The following CPXM2 variants were observed in gnomAD, a reference collection of about 807,000 sequenced individuals.
CPXM2 encodes the protein carboxypeptidase X, M14 family member 2, also known as inactive carboxypeptidase-like protein X2.
A neutral mutation model predicts 86.1 loss-of-function variants in CPXM2; 66 were observed. That is an observed-to-expected ratio of 0.77 (90% CI 0.63 to 0.94). CPXM2 has a LOEUF of 0.94. Among genes scored for constraint, CPXM2 ranks in the 40% least tolerant of loss-of-function variants. The probability of loss-of-function intolerance (pLI) is 0.00; values close to 1 mark genes in which losing one functional copy is unlikely to be tolerated. For synonymous variants in CPXM2, 388 were observed against 400.2 expected (o/e 0.97, Z 0.36); for missense variants, 948 against 1,026.3 (o/e 0.92, Z 1.04).
chr10:123,802,286 C>T (rs1847475521), intron 4 of CPXM2, among the ~76,000 whole-genome samples: 2 of 152,184 alleles, frequency 1.3e-5, no homozygotes, highest in African/African-American at 4.8e-5. Flanking sequence ...TAATAGAATG[C>T]TTGCCAATCA....
At chr10:123,845,175 T>C (rs1479978118) in intron 3 of CPXM2, among the ~76,000 whole-genome samples, 10 of 151,752 alleles carry the variant, frequency 6.6e-5, no homozygotes, top group Non-Finnish European at 1.5e-4. Context: ...GACCCTGGAT[T>C]GGGGATACTA....
At chr10:123,838,837 C>T (rs1848327765) in intron 4 of CPXM2, among the ~76,000 whole-genome samples, 1 of 152,146 alleles carries the variant, frequency 6.6e-6, no homozygotes, top group Non-Finnish European at 1.5e-5. Context: ...GTAACCTGCG[C>T]AGACCACCCT....
intron 12 of CPXM2, among the ~76,000 whole-genome samples, chr10:123,755,708 C>A (rs2133976115): frequency 6.6e-6 from 1 of 152,328 alleles, no homozygotes. Context: ...GCGATGCACT[C>A]AAACCTTATG....
intron 3 of CPXM2, among the ~76,000 whole-genome samples, chr10:123,857,155 T>C (rs1166928393): frequency 6.6e-6 from 1 of 152,138 alleles, no homozygotes; most frequent in Non-Finnish European, 1.5e-5. Flanking sequence ...CCCAATGTAG[T>C]GATAAAATGT....
chr10:123,887,383 C>T (rs1945195035), intron 1 of CPXM2, among the ~76,000 whole-genome samples: 2 of 152,332 alleles, frequency 1.3e-5, no homozygotes, highest in East Asian at 1.9e-4. Flanking sequence ...CATATCCTGA[C>T]AGTGGTGGTG....
intron 12 of CPXM2, among the ~76,000 whole-genome samples, chr10:123,756,179 T>A (rs768851612): frequency 4.5e-4 from 68 of 152,230 alleles, no homozygotes; most frequent in Non-Finnish European, 8.8e-4. Flanking sequence ...GGGAACCTTG[T>A]GTCCAGCCTC....
chr10:123,747,910 A>C (rs1383517886), intron 13 of CPXM2, among the ~76,000 whole-genome samples: 2 of 130,684 alleles, frequency 1.5e-5, no homozygotes, highest in African/African-American at 3.1e-5. Context: ...CGACAGAGTG[A>C]GACTCTGTCT....
At chr10:123,827,478 G>C (rs1195078088) in intron 4 of CPXM2, among the ~76,000 whole-genome samples, 1 of 152,088 alleles carries the variant, frequency 6.6e-6, no homozygotes, top group African/African-American at 2.4e-5. Context: ...AAAATACTTA[G>C]ACGTAAACCT....
At chr10:123,834,015 C>T (rs1848224330) in intron 4 of CPXM2, among the ~76,000 whole-genome samples, 1 of 152,220 alleles carries the variant, frequency 6.6e-6, no homozygotes, top group African/African-American at 2.4e-5. Context: ...GCTGCTATTA[C>T]ATCTCCATCT....
intron 4 of CPXM2, among the ~76,000 whole-genome samples, chr10:123,827,319 C>T (rs1848068414): frequency 6.6e-6 from 1 of 152,116 alleles, no homozygotes; most frequent in Non-Finnish European, 1.5e-5. Context: ...ATTCAGAACA[C>T]AGAAAATGAA....
upstream of CPXM2, among the ~76,000 whole-genome samples, chr10:123,892,219 C>G (rs1409440283): frequency 6.6e-6 from 1 of 152,180 alleles, no homozygotes; most frequent in Non-Finnish European, 1.5e-5. Flanking sequence ...ACGTGGACTT[C>G]CCACTAGCCA....
chr10:123,934,622 T>C (rs528672609), intron 2 of CPXM2, among the ~76,000 whole-genome samples: 1 of 152,140 alleles, frequency 6.6e-6, no homozygotes, highest in East Asian at 1.9e-4. Flanking sequence ...GTGGGGACCC[T>C]CTTCAACCCA....
At chr10:123,827,617 C>G (rs1315473501) in intron 4 of CPXM2, among the ~76,000 whole-genome samples, 2 of 152,252 alleles carry the variant, frequency 1.3e-5, no homozygotes, top group East Asian at 3.9e-4. Flanking sequence ...TTGGAAGATT[C>G]AACATGGTAA....
intron 4 of CPXM2, among the ~76,000 whole-genome samples, chr10:123,822,994 A>G (rs1348812427): frequency 6.6e-6 from 1 of 152,226 alleles, no homozygotes; most frequent in Non-Finnish European, 1.5e-5. Context: ...AGTTGTACAC[A>G]TTAAATGGCT....
intron 1 of CPXM2, chr10:123,940,146 C>T (rs1258285198): frequency 6.6e-6 from 1 of 152,344 alleles, no homozygotes; most frequent in Admixed American, 6.5e-5. Context: ...GCACCCAGCT[C>T]ACCCTGGGAG....
At chr10:123,816,951 T>G (rs1335825663) in intron 4 of CPXM2, among the ~76,000 whole-genome samples, 1 of 152,122 alleles carries the variant, frequency 6.6e-6, no homozygotes, top group Non-Finnish European at 1.5e-5. Context: ...TGCCAGAGGA[T>G]AGGGAATAAA....
chr10:123,868,047 A>G lies in CPXM2; in HGVS notation c.404-5324T>C, dbSNP rs139565566. Among the ~76,000 whole-genome samples the G allele has an allele frequency of 2.4e-4, 36 of 152,350 alleles. 1 individual carries two copies. In the East Asian group the frequency reaches 5.6e-3, roughly 24 times the overall value. ...AGAATGGTCTGGAGGCCTCAGAGCC[A>G]CAGGGGCTAGGGTAAAACATTTGAA... On this transcript the variant is annotated intron_variant, in intron 2 of 13. Coordinates refer to ENST00000241305, the MANE Select transcript of CPXM2 (RefSeq NM_198148.3).
chr10:123,830,522 G>A (rs945948761), intron 4 of CPXM2, among the ~76,000 whole-genome samples: 2 of 152,162 alleles, frequency 1.3e-5, no homozygotes, highest in African/African-American at 4.8e-5. Context: ...ACACAAGTAG[G>A]GAAAGCACTA....
At chr10:123,878,296 C>CTTTTT (rs72163200) in intron 2 of CPXM2, among the ~76,000 whole-genome samples, 2 of 122,836 alleles carry the variant, frequency 1.6e-5, no homozygotes, top group East Asian at 3.0e-4. Flanking sequence ...TTTTTTCTCT[C>CTTTTT]TTTTTTTTTT....
Sources: allele counts gnomAD v4.1 joint callset (sites outside exome capture counted in the v4.1 genomes callset), GRCh38; gene constraint gnomAD v4.1.1; transcripts MANE v1.5; gene names NCBI Gene and HGNC (gene_info 2026-07-23, HGNC 2026-07-21).